SNX25: variants seen among roughly 807,000 people sequenced by gnomAD.
SNX25 encodes the protein sorting nexin 25.
A neutral mutation model predicts 113.7 loss-of-function variants in SNX25; 62 were observed. That is an observed-to-expected ratio of 0.55 (90% CI 0.44 to 0.67). SNX25 has a LOEUF of 0.67. Among genes scored for constraint, SNX25 ranks in the 30% least tolerant of loss-of-function variants. The pLI is 0.00. For synonymous variants in SNX25, 421 were observed against 436.2 expected, an observed-to-expected ratio of 0.97 and a Z score of 0.43; for missense variants, 1,014 against 1,161.0, an observed-to-expected ratio of 0.87 and a Z score of 1.84.
At chr4:185,354,671 C>T (rs888863596) in intron 15 of SNX25, among the ~76,000 whole-genome samples, 2 of 152,216 alleles carry the variant, frequency 1.3e-5, no homozygotes, top group Non-Finnish European at 2.9e-5. Flanking sequence ...GTGCCTCTCC[C>T]TGAAAGCATC....
At chr4:185,304,485 G>A (rs1341874597) in intron 6 of SNX25, among the ~76,000 whole-genome samples, 1 of 152,186 alleles carries the variant, frequency 6.6e-6, no homozygotes, top group South Asian at 2.1e-4. Context: ...AGCCTCTCGA[G>A]TAGCTGGGAT....
intron 1 of SNX25, among the ~76,000 whole-genome samples, chr4:185,239,287 T>C (rs371457070): frequency 1.4e-4 from 21 of 151,704 alleles, no homozygotes; most frequent in East Asian, 1.9e-4. Flanking sequence ...ATCGAGACCA[T>C]CCTGGCCAAC....
At chr4:185,329,799 A>G (rs1270749708) in intron 9 of SNX25, among the ~76,000 whole-genome samples, 1 of 152,106 alleles carries the variant, frequency 6.6e-6, no homozygotes, top group Non-Finnish European at 1.5e-5. Flanking sequence ...GGGTTTTAAG[A>G]ACCCACCTGT....
At chr4:185,302,820 C>T (rs1211784244) in intron 6 of SNX25, among the ~76,000 whole-genome samples, 1 of 152,188 alleles carries the variant, frequency 6.6e-6, no homozygotes, top group African/African-American at 2.4e-5. Flanking sequence ...TGCGAGGGTT[C>T]CTCCCTGCCC....
In SNX25 at chr4:185,261,114, C is replaced by CTCTGTG. The variant is rs1466393084; in HGVS notation, c.731+2051_731+2052insCTGTGT. Among the ~76,000 whole-genome samples the CTCTGTG allele has an allele frequency of 2.6e-3, 369 of 141,746 alleles. 2 individuals are homozygous for CTCTGTG. Among genetic ancestry groups the CTCTGTG allele is most frequent in the South Asian group, 0.011 (49 of 4,288 alleles). The allele number at this position is 141,746 out of a possible 152,430, so 93.0% of individuals were successfully genotyped here. On this transcript the variant is annotated intron_variant, in intron 3 of 18. Coordinates refer to ENST00000652585, the MANE Select transcript of SNX25 (RefSeq NM_001378034.2). ...ATTCTGTCTGTCTGTCTGTCTGTCT[C>CTCTGTG]TGTGTGTGTGTGTGTGTGTGTGTGT...
intron 1 of SNX25, among the ~76,000 whole-genome samples, chr4:185,231,584 G>A (rs1291974549): frequency 6.6e-6 from 1 of 151,808 alleles, no homozygotes; most frequent in Non-Finnish European, 1.5e-5. Flanking sequence ...GATGGTGGGC[G>A]CCTGTAGTCC....
chr4:185,339,338 T>G, intron 10 of SNX25, 41 bp from the exon 11 acceptor site: 1 of 1,598,746 alleles, frequency 6.3e-7, no homozygotes, highest in South Asian at 1.1e-5. Flanking sequence ...TGCATAGTTT[T>G]AAGTGTTTTC....
downstream of SNX25, among the ~76,000 whole-genome samples, chr4:185,373,556 G>C (rs2095423249): frequency 6.6e-6 from 1 of 152,190 alleles, no homozygotes; most frequent in African/African-American, 2.4e-5. Flanking sequence ...CTCATACTCT[G>C]CTACAGTGAA....
At chr4:185,377,927 T>A in the SNX25 span, 1 of 626,896 alleles carries the variant, frequency 1.6e-6, no homozygotes, top group Non-Finnish European at 2.7e-6. Context: ...AATGAGCAAT[T>A]TCACAGATTC....
downstream of SNX25, chr4:185,370,916 C>G (rs1159442839): frequency 4.7e-6 from 6 of 1,270,322 alleles, no homozygotes; most frequent in South Asian, 4.0e-5. Flanking sequence ...AGTGATTTCT[C>G]TCTACTGCTT....
chr4:185,241,487 T>C (rs62347783), intron 1 of SNX25, among the ~76,000 whole-genome samples: 39,069 of 65,504 alleles, frequency 0.6, 12,312 homozygotes, highest in East Asian at 0.66. Flanking sequence ...AGAGGGAGAC[T>C]GTGGGGAGAG....
At chr4:185,226,501 G>C (rs531952708) in intron 1 of SNX25, among the ~76,000 whole-genome samples, 1 of 152,228 alleles carries the variant, frequency 6.6e-6, no homozygotes, top group African/African-American at 2.4e-5. Context: ...CCCAGGCTGG[G>C]GTGCAGTGGC....
intron 1 of SNX25, among the ~76,000 whole-genome samples, chr4:185,245,499 A>G (rs917881587): frequency 2.0e-5 from 3 of 151,948 alleles, no homozygotes; most frequent in Non-Finnish European, 4.4e-5. Flanking sequence ...CACCACGCCC[A>G]GCTAATTTTT....
intron 1 of SNX25, among the ~76,000 whole-genome samples, chr4:185,236,991 T>G (rs1742735449): frequency 6.6e-6 from 1 of 152,258 alleles, no homozygotes; most frequent in African/African-American, 2.4e-5. Flanking sequence ...TAATAGAGAA[T>G]GTATTTCTGC....
the SNX25 span, chr4:185,378,235 T>C: frequency 2.5e-6 from 4 of 1,603,110 alleles, no homozygotes; most frequent in Admixed American, 5.3e-5. Context: ...AAATAAGTGG[T>C]AGAAATTTCT....
intron 1 of SNX25, among the ~76,000 whole-genome samples, chr4:185,243,292 C>T (rs1251766530): frequency 6.6e-6 from 1 of 152,186 alleles, no homozygotes; most frequent in Non-Finnish European, 1.5e-5. Context: ...CACCATCTAT[C>T]TCCATAACTC....
chr4:185,254,424 G>T (rs750157956), intron 2 of SNX25, among the ~76,000 whole-genome samples: 1 of 152,168 alleles, frequency 6.6e-6, no homozygotes, highest in Non-Finnish European at 1.5e-5. Context: ...GGACTTTCAT[G>T]ATCATGGGGC....
intron 9 of SNX25, among the ~76,000 whole-genome samples, chr4:185,328,867 G>A (rs970185782): frequency 6.6e-6 from 1 of 152,126 alleles, no homozygotes; most frequent in South Asian, 2.1e-4. Context: ...AGCAGGATTT[G>A]GGACTGAAGG....
chr4:185,240,395 G>T (rs887593441), intron 1 of SNX25, among the ~76,000 whole-genome samples: 1 of 150,304 alleles, frequency 6.7e-6, no homozygotes, highest in African/African-American at 2.5e-5. Flanking sequence ...CGGGCGGGGG[G>T]CTGACCCCCC....
Sources: allele counts gnomAD v4.1 joint callset (sites outside exome capture counted in the v4.1 genomes callset), GRCh38; gene constraint gnomAD v4.1.1; transcripts MANE v1.5; gene names NCBI Gene and HGNC (gene_info 2026-07-23, HGNC 2026-07-21).